Variants in HIVEP2 observed in about 807,000 individuals in gnomAD.
The protein encoded by HIVEP2 is transcription factor HIVEP2.
In HIVEP2, 14 loss-of-function variants were observed where a neutral mutation model predicts 180.7. That is an observed-to-expected ratio of 0.08 (90% confidence interval 0.05 to 0.12). The LOEUF is 0.12. HIVEP2 is among the 10% of genes least tolerant of loss of function. HIVEP2 has a pLI of 1.00. For missense variants in HIVEP2, 2,579 were observed against 3,008.5 expected (o/e 0.86, Z 3.34); for synonymous variants, 1,184 against 1,136.4 (o/e 1.04, Z -0.84).
At chr6:142,923,143 G>A (rs1473519700) in intron 1 of HIVEP2, among the ~76,000 whole-genome samples, 1 of 152,114 alleles carries the variant, frequency 6.6e-6, no homozygotes, top group Admixed American at 6.5e-5. Context: ...GACCAGCCTG[G>A]CCAAGATGGT....
At chr6:142,838,760 T>C (rs552700294) in intron 1 of HIVEP2, among the ~76,000 whole-genome samples, 11 of 152,290 alleles carry the variant, frequency 7.2e-5, no homozygotes, top group Non-Finnish European at 1.2e-4. Context: ...CGATGTACAA[T>C]GTAAAACTGA....
At chr6:142,828,191 C>T (rs1241419878) in intron 2 of HIVEP2, among the ~76,000 whole-genome samples, 1 of 152,202 alleles carries the variant, frequency 6.6e-6, no homozygotes, top group Non-Finnish European at 1.5e-5. Flanking sequence ...AAGAGCTACT[C>T]TTGTCAGCGA....
At chr6:142,832,655 C>T (rs1418986088) in intron 2 of HIVEP2, among the ~76,000 whole-genome samples, 2 of 152,126 alleles carry the variant, frequency 1.3e-5, no homozygotes, top group Admixed American at 1.3e-4. Context: ...AAATAAAGAT[C>T]TCTATGTGGG....
rs9484670 is a variant in HIVEP2, at chr6:142,771,334, T to C, written c.3405A>G (p.Pro1135=). Residue 1135 remains proline (P), a synonymous_variant, in exon 5 of 10, where the codon CCA becomes CCG. Coordinates refer to ENST00000367603, the MANE Select transcript of HIVEP2 (RefSeq NM_006734.4). This position sits in a 1 kb window ranked among gnomAD's most constrained non-coding sequence, Gnocchi z 5.4. ...GACAAGGACCCGCCACCTGCTTCCC[T>C]GGGTCCTCTTGCTGAAGAGGAGGCA... ...AVLPPLQQED[P]GKQVAGPCPP... is the part of the protein sequence containing the mutation. The C allele has an allele frequency of 0.01, 16,763 of 1,613,030 alleles. 1,341 individuals carry two copies. In the African/African-American group the frequency reaches 0.19, roughly 18 times the overall value.
intron 1 of HIVEP2, among the ~76,000 whole-genome samples, chr6:142,906,783 C>T (rs1218077240): frequency 6.6e-6 from 1 of 152,048 alleles, no homozygotes; most frequent in Non-Finnish European, 1.5e-5. Flanking sequence ...ATGATTATAA[C>T]TATTTCAAGT....
chr6:142,891,617 G>A (rs1403046973), intron 1 of HIVEP2, among the ~76,000 whole-genome samples: 1 of 152,064 alleles, frequency 6.6e-6, no homozygotes, highest in Non-Finnish European at 1.5e-5. Context: ...GCTATGGATC[G>A]AGATCTACTA....
In HIVEP2 at chr6:142,789,694, C is replaced by G. The variant is rs1776092329; in HGVS notation, c.-527-6079G>C. 2.0e-5 allele frequency among the ~76,000 whole-genome samples: 3 copies of G among 152,164 alleles called. No homozygotes were observed. The South Asian group carries it at 6.2e-4, about 32-fold the overall frequency. ...TGTCAAGTCAATTATTTTCCATTATCCACACTACTTCCTCTTATTCAAAGT... is the reference window on the plus strand; with the variant it reads ...TGTCAAGTCAATTATTTTCCATTATGCACACTACTTCCTCTTATTCAAAGT... On this transcript the variant is annotated intron_variant, in intron 2 of 9. Coordinates refer to ENST00000367603, the MANE Select transcript of HIVEP2 (RefSeq NM_006734.4).
chr6:142,874,893 G>C (rs1260039367), intron 1 of HIVEP2, among the ~76,000 whole-genome samples: 3 of 152,132 alleles, frequency 2.0e-5, no homozygotes, highest in African/African-American at 7.2e-5. Flanking sequence ...AGGAAGCTAG[G>C]CTCAAAGTGG....
At chr6:142,828,510 C>A (rs1270043853) in intron 2 of HIVEP2, among the ~76,000 whole-genome samples, 2 of 152,002 alleles carry the variant, frequency 1.3e-5, no homozygotes, top group Non-Finnish European at 2.9e-5. Context: ...GATCTCAGCT[C>A]ACTACAACCT....
intron 2 of HIVEP2, among the ~76,000 whole-genome samples, chr6:142,801,209 A>C (rs79832853): frequency 4.0e-5 from 6 of 151,502 alleles, no homozygotes; most frequent in Non-Finnish European, 8.8e-5. Flanking sequence ...AAAAAAAAAA[A>C]AACGAGGGAA....
At chr6:142,858,523 C>G (rs1008756525) in intron 1 of HIVEP2, among the ~76,000 whole-genome samples, 1 of 152,126 alleles carries the variant, frequency 6.6e-6, no homozygotes, top group Non-Finnish European at 1.5e-5. Context: ...TAAATGCCCC[C>G]CTCCCTTATC....
chr6:142,937,130 G>A (rs1778077015), intron 1 of HIVEP2, among the ~76,000 whole-genome samples: 1 of 152,144 alleles, frequency 6.6e-6, no homozygotes, highest in African/African-American at 2.4e-5. Flanking sequence ...AGAGAATTTA[G>A]TTCACTTCAT....
intron 1 of HIVEP2, among the ~76,000 whole-genome samples, chr6:142,939,094 A>G (rs76844573): frequency 1.3e-5 from 2 of 152,186 alleles, no homozygotes; most frequent in African/African-American, 4.8e-5. Context: ...AGTAAAAAAA[A>G]TTTTATATTA....
At chr6:142,882,491 G>C (rs938264911) in intron 1 of HIVEP2, among the ~76,000 whole-genome samples, 2 of 152,030 alleles carry the variant, frequency 1.3e-5, no homozygotes, top group South Asian at 2.1e-4. Context: ...GTGAGCACCT[G>C]TAGTCCTAGC....
At chr6:142,754,418 A>C (rs1775010962) in intron 9 of HIVEP2, among the ~76,000 whole-genome samples, 1 of 152,190 alleles carries the variant, frequency 6.6e-6, no homozygotes, top group Admixed American at 6.5e-5. Context: ...ATATAATTGG[A>C]ATGACAAGTC....
chr6:142,867,488 T>C (rs1489948965), intron 1 of HIVEP2, among the ~76,000 whole-genome samples: 1 of 152,202 alleles, frequency 6.6e-6, no homozygotes, highest in Non-Finnish European at 1.5e-5. Flanking sequence ...TTGCAACAGA[T>C]ATGCTTTTGG....
intron 1 of HIVEP2, among the ~76,000 whole-genome samples, chr6:142,891,588 G>A (rs1174229815): frequency 6.6e-6 from 1 of 152,112 alleles, no homozygotes; most frequent in Non-Finnish European, 1.5e-5. Flanking sequence ...TTATGGAGAT[G>A]AATGATCTGT....
chr6:142,772,664 C>A lies in HIVEP2; in HGVS notation c.2075G>T (p.Cys692Phe). 6.2e-7 allele frequency: 1 copy of A among 1,614,234 alleles called. No homozygotes were observed. The highest frequency in any genetic ancestry group is 8.5e-7 in the Non-Finnish European group (1 of 1,180,036). Residue 692 changes from cysteine (C) to phenylalanine (F), a missense_variant, in exon 5 of 10, where the codon TGT becomes TTT. By Grantham distance (205) the Cys-to-Phe change is radical (BLOSUM62 -2). Coordinates refer to ENST00000367603, the MANE Select transcript of HIVEP2 (RefSeq NM_006734.4). The surrounding 1 kb of genome is among the most constrained non-coding windows in gnomAD (Gnocchi z 4.9). ...CTCTTTCCGGCGTTTCCTGTTTTCA[C>A]AGGTAGTTCCAAACATGCTTGGTAC... ...QGVPSMFGTT[C>F]ENRKRRKEKS... is the part of the protein sequence containing the mutation.
At chr6:142,769,507 A>G (rs756286938) in intron 5 of HIVEP2, 45 bp downstream of exon 5, 1 of 1,537,396 alleles carries the variant, frequency 6.5e-7, no homozygotes, top group South Asian at 1.2e-5. Context: ...CTGCTCAGCA[A>G]TCAAATCCAC....
Sources: gnomAD v4.1 joint callset for allele counts (sites outside exome capture counted in the v4.1 genomes callset) on GRCh38, gnomAD v4.1.1 for gene constraint, Gnocchi (gnomAD v3.1) non-coding constraint, MANE v1.5 for transcripts, NCBI Gene and HGNC (gene_info 2026-07-23, HGNC 2026-07-21) for gene names.